Variants in MPHOSPH9 observed in about 807,000 individuals in gnomAD.
MPHOSPH9 encodes the protein M-phase phosphoprotein 9.
Under a neutral mutation model 145.5 loss-of-function variants are expected in MPHOSPH9, and 88 were observed. The observed-to-expected ratio is 0.60, with a 90% CI of 0.51 to 0.72. The LOEUF (loss-of-function observed/expected upper bound fraction) is 0.72, where lower values mean the gene tolerates loss of function less well. Among genes scored for constraint, MPHOSPH9 ranks in the 30% least tolerant of loss-of-function variants. The probability of loss-of-function intolerance (pLI) is 0.00; values close to 1 mark genes in which losing one functional copy is unlikely to be tolerated. For synonymous variants in MPHOSPH9, 435 were observed against 486.2 expected (o/e 0.89, Z 1.39); for missense variants, 1,238 against 1,386.6 (o/e 0.89, Z 1.70).
chr12:123,192,729 A>G (rs961577051), intron 13 of MPHOSPH9, among the ~76,000 whole-genome samples: 2 of 151,584 alleles, frequency 1.3e-5, no homozygotes, highest in African/African-American at 4.8e-5. Context: ...ATATTTATAC[A>G]GCTGTAATAA....
rs2138305083 is a variant in MPHOSPH9 at position 123,198,275 on chromosome 12, T to C, written c.1997A>G (p.Asn666Ser). Residue 666 changes from asparagine to serine, a missense_variant, in exon 12 of 24, where the codon AAT becomes AGT. This residue lies in a region of MPHOSPH9 where 837 missense variants were observed against 897.5 expected (regional missense o/e 0.93). Transcript: ENST00000606320. The stretch of plus-strand genomic sequence containing the variant: ...TTCAATTTCCAGTAAGTTATTCTTA[T>C]TTTCAAGTGTTCTCACGCGACTAGT... Reference protein sequence around the residue: ...EATSRVRTLENKNNLLEIEVN... With the variant: ...EATSRVRTLESKNNLLEIEVN... 4 of 1,611,594 alleles carry C rather than the reference T, an allele frequency of 2.5e-6. No individual in the cohort carries two copies. The East Asian group carries it at 6.7e-5, about 27-fold the overall frequency.
chr12:123,172,612 T>A (rs1033931170), intron 16 of MPHOSPH9, among the ~76,000 whole-genome samples: 1 of 151,778 alleles, frequency 6.6e-6, no homozygotes, highest in Admixed American at 6.6e-5. Flanking sequence ...GGATTACAGG[T>A]GTGGGCCACC....
intron 16 of MPHOSPH9, among the ~76,000 whole-genome samples, chr12:123,173,026 C>T (rs2044661694): frequency 6.6e-6 from 1 of 151,816 alleles, no homozygotes; most frequent in African/African-American, 2.4e-5. Context: ...CAGGCCTGCA[C>T]CACTATGCCT....
Position 123,156,035 on chromosome 12 carries a change from T to G in MPHOSPH9, c.*772A>C, listed in dbSNP as rs1283425108. The G allele has an allele frequency of 1.3e-5, 2 of 152,200 alleles. No individual in the cohort carries two copies. The highest frequency in any genetic ancestry group is 1.3e-4 in the Admixed American group (2 of 15,278). The allele number at this position is 152,200 out of a possible 1,614,324, so 9.4% of individuals were successfully genotyped here. ...CCCTCACGGGGTGGTGGCTTGTATT[T>G]CAAAGGGTTTATCTGTCCATTTATT... On this transcript the variant is annotated 3_prime_UTR_variant, in exon 24 of 24. Transcript: ENST00000606320.
chr12:123,221,236 C>T (rs2047188142), intron 5 of MPHOSPH9, 136 bp downstream of exon 5: 1 of 714,238 alleles, frequency 1.4e-6, no homozygotes, highest in African/African-American at 1.8e-5. Context: ...ATATAGTGTG[C>T]TTTGTTTATT....
At chr12:123,241,222 C>A (rs146073123) in intron 1 of MPHOSPH9, among the ~76,000 whole-genome samples, 1 of 151,638 alleles carries the variant, frequency 6.6e-6, no homozygotes, top group East Asian at 1.9e-4. Flanking sequence ...GAACTCCCAG[C>A]TTCATGGGCT....
chr12:123,166,547 T>G, intron 17 of MPHOSPH9, 108 bp downstream of exon 17: 2 of 1,232,418 alleles, frequency 1.6e-6, no homozygotes, highest in Non-Finnish European at 2.3e-6. Context: ...TTCTCAAAAT[T>G]AAGACATTAA....
intron 3 of MPHOSPH9, among the ~76,000 whole-genome samples, chr12:123,226,915 G>A (rs1384764008): frequency 1.3e-5 from 2 of 152,168 alleles, no homozygotes; most frequent in Non-Finnish European, 2.9e-5. Context: ...GGGATTACAG[G>A]CGTGAGCCAC....
intron 11 of MPHOSPH9, among the ~76,000 whole-genome samples, chr12:123,200,268 G>A (rs1034751123): frequency 8.6e-5 from 13 of 150,812 alleles, no homozygotes; most frequent in African/African-American, 2.9e-4. Context: ...TGACTGCCAC[G>A]TATTTTGTTT....
intron 7 of MPHOSPH9, among the ~76,000 whole-genome samples, chr12:123,212,740 T>A (rs890870520): frequency 2.5e-5 from 3 of 118,442 alleles, no homozygotes; most frequent in African/African-American, 9.0e-5. Flanking sequence ...AAGGACAGAG[T>A]ACAATCCCCA....
At chr12:123,205,699 G>A (rs952088096) in intron 8 of MPHOSPH9, among the ~76,000 whole-genome samples, 5 of 152,148 alleles carry the variant, frequency 3.3e-5, no homozygotes, top group Non-Finnish European at 5.9e-5. Flanking sequence ...GGGAATAGTT[G>A]GGGTTATTCT....
At chr12:123,201,232 T>G (rs1228617676) in intron 11 of MPHOSPH9, among the ~76,000 whole-genome samples, 3 of 28,446 alleles carry the variant, frequency 1.1e-4, no homozygotes, top group Non-Finnish European at 3.1e-4. Flanking sequence ...AAAGTTAAAC[T>G]GTTTTGTTTT....
chr12:123,219,327 A>G (rs1167430109), intron 5 of MPHOSPH9, among the ~76,000 whole-genome samples: 1 of 151,240 alleles, frequency 6.6e-6, no homozygotes, highest in Non-Finnish European at 1.5e-5. Context: ...GGCCTGGCGC[A>G]GTGGCTCACG....
intron 12 of MPHOSPH9, among the ~76,000 whole-genome samples, chr12:123,195,127 C>G (rs1316651491): frequency 6.6e-6 from 1 of 152,140 alleles, no homozygotes; most frequent in African/African-American, 2.4e-5. Context: ...ATCTGTGGCA[C>G]TATGACTCTA....
intron 13 of MPHOSPH9, among the ~76,000 whole-genome samples, chr12:123,187,364 C>G (rs986332520): frequency 6.6e-6 from 1 of 151,842 alleles, no homozygotes; most frequent in African/African-American, 2.4e-5. Flanking sequence ...ATGTAAAAGG[C>G]CTTAATTTTT....
intron 16 of MPHOSPH9, among the ~76,000 whole-genome samples, chr12:123,176,012 C>T (rs751232077): frequency 5.9e-4 from 90 of 152,176 alleles, no homozygotes; most frequent in African/African-American, 1.9e-3. Context: ...GAATTACAGA[C>T]GTGAACCACT....
intron 13 of MPHOSPH9, among the ~76,000 whole-genome samples, chr12:123,192,760 T>G (rs1223547186): frequency 6.6e-6 from 1 of 151,778 alleles, no homozygotes; most frequent in Non-Finnish European, 1.5e-5. Context: ...ATTTCCATTT[T>G]AAGACACCAT....
At chr12:123,154,109 G>A (rs2043817558), downstream of MPHOSPH9, 2 of 152,094 alleles carry the variant, frequency 1.3e-5, no homozygotes, top group African/African-American at 4.8e-5. Flanking sequence ...TGCAAACAGA[G>A]GCTTAGCAAG....
At position 123,160,822 on chromosome 12, in the gene MPHOSPH9, A is replaced by G. The variant is rs1355860225; in HGVS notation, c.3409T>C (p.Ser1137Pro). The G allele has an allele frequency of 2.5e-6, 4 of 1,613,856 alleles. No individual in the cohort carries two copies. The Admixed American group carries it at 6.7e-5, about 27-fold the overall frequency. Residue 1137 changes from serine to proline, a missense_variant, in exon 23 of 24, where the codon TCT (serine) becomes CCT (proline). Transcript: ENST00000606320. The stretch of plus-strand genomic sequence containing the variant: ...TGTAAAGTGATTCGTCCTCCAGGAG[A>G]AGGCATCCTGCTTAGTGCTGCCTCA... ...QIEAALSRMP[S>P]PGGRITLQTR...
Sources: gnomAD v4.1 joint callset for allele counts (sites outside exome capture counted in the v4.1 genomes callset) on GRCh38, gnomAD v4.1.1 for gene constraint, gnomAD v4.1.1 regional missense constraint, MANE v1.5 for transcripts, NCBI Gene and HGNC (gene_info 2026-07-23, HGNC 2026-07-21) for gene names.